DPF3: variants seen among roughly 807,000 people sequenced by gnomAD.
DPF3 encodes double PHD fingers 3.
In DPF3, 18 loss-of-function variants were observed where a neutral mutation model predicts 56.8. The ratio of observed to expected loss-of-function variants is 0.32; its 90% CI spans 0.22 to 0.47. The LOEUF (loss-of-function observed/expected upper bound fraction) is 0.47. Among genes scored for constraint, DPF3 ranks in the 20% least tolerant of loss-of-function variants. The pLI, the probability that DPF3 is intolerant of heterozygous loss-of-function variation, is 1.00. For missense variants in DPF3, 403 were observed against 488.8 expected, an observed-to-expected ratio of 0.82 and a Z score of 1.65; for synonymous variants, 188 against 180.2, an observed-to-expected ratio of 1.04 and a Z score of -0.35.
At chr14:72,804,529 C>T (rs76450588) in intron 1 of DPF3, among the ~76,000 whole-genome samples, 11,574 of 152,182 alleles carry the variant, frequency 0.076, 680 homozygotes, top group South Asian at 0.21. Context: ...GGGATTTTTT[C>T]CTTTTCACAT....
At chr14:72,843,152 G>C (rs1454228231) in intron 1 of DPF3, among the ~76,000 whole-genome samples, 1 of 152,206 alleles carries the variant, frequency 6.6e-6, no homozygotes, top group African/African-American at 2.4e-5. Flanking sequence ...AGACTAGCTA[G>C]TCGAGTGTGG....
intron 1 of DPF3, chr14:72,879,740 A>T (rs755597244): frequency 5.4e-6 from 8 of 1,474,036 alleles, no homozygotes; most frequent in Non-Finnish European, 7.2e-6. Context: ...CTCTCTGGGC[A>T]GGGACACAGA....
intron 3 of DPF3, among the ~76,000 whole-genome samples, chr14:72,745,446 C>T (rs1890287508): frequency 6.6e-6 from 1 of 151,904 alleles, no homozygotes; most frequent in South Asian, 2.1e-4. Context: ...GTTGTTATTA[C>T]AAACCATGCC....
rs1160420760 is a variant in DPF3, at chr14:72,617,139, G to C, written c.*2158C>G. Reference sequence around the variant, plus strand: ...CAGACATGGGGCTGAGATCGAACAGGGCTGCCCTATCACCTGCACTTCTGT... The same window carrying C: ...CAGACATGGGGCTGAGATCGAACAGCGCTGCCCTATCACCTGCACTTCTGT... On this transcript the variant is annotated 3_prime_UTR_variant, in exon 11 of 11. Coordinates refer to ENST00000556509, the MANE Select transcript of DPF3 (RefSeq NM_001280542.3). 6.6e-6 allele frequency among the ~76,000 whole-genome samples: 1 copy of C among 152,180 alleles called. No homozygotes were observed. The highest frequency in any genetic ancestry group is 1.5e-5 in the Non-Finnish European group (1 of 68,044).
At chr14:72,661,079 AACTT>A in intron 8 of DPF3, 1 of 985,464 alleles carries the variant, frequency 1.0e-6, no homozygotes, top group Non-Finnish European at 1.2e-6. Context: ...ATTTAACAGA[AACTT>A]ACACACACTT....
intron 3 of DPF3, among the ~76,000 whole-genome samples, chr14:72,736,035 T>C (rs946700827): frequency 6.6e-6 from 1 of 152,236 alleles, no homozygotes; most frequent in Admixed American, 6.5e-5. Flanking sequence ...TAAGTTTGAA[T>C]AGTTTTGATT....
At chr14:72,837,762 GAAA>G (rs1017204382) in intron 1 of DPF3, among the ~76,000 whole-genome samples, 20 of 151,654 alleles carry the variant, frequency 1.3e-4, no homozygotes, top group Admixed American at 1.3e-3. Context: ...AGAAAAGAAA[GAAA>G]AAAAAGATCA....
chr14:72,762,586 G>A (rs1400929204), intron 2 of DPF3, among the ~76,000 whole-genome samples: 2 of 151,196 alleles, frequency 1.3e-5, no homozygotes, highest in Non-Finnish European at 3.0e-5. Context: ...ATAGAAGGGA[G>A]CATCCTCAAT....
chr14:72,892,482 T>A (rs1886792143), intron 1 of DPF3: 1 of 1,425,776 alleles, frequency 7.0e-7, no homozygotes, highest in African/African-American at 1.4e-5. Context: ...ATAAATATAT[T>A]TGAAACCTGG....
rs1884148706 is a variant in DPF3, at chr14:72,617,344, C to T, written c.*1953G>A. 6.6e-6 allele frequency among the ~76,000 whole-genome samples: 1 copy of T among 152,074 alleles called. No homozygotes were observed. Among genetic ancestry groups the T allele is most frequent in the African/African-American group, 2.4e-5 (1 of 41,396 alleles). On this transcript the variant is annotated 3_prime_UTR_variant, in exon 11 of 11. Transcript: ENST00000556509. ...AAAACCAATTATTAGCCTTTGGAGA[C>T]AGCCTGCTTTGGGTTTTGTGGGAAG...
chr14:72,745,767 C>T (rs375295757), intron 3 of DPF3, among the ~76,000 whole-genome samples: 61 of 152,286 alleles, frequency 4.0e-4, no homozygotes, highest in African/African-American at 1.4e-3. Flanking sequence ...GCCAATGACT[C>T]TATCCTGAGT....
chr14:72,731,692 T>A, intron 4 of DPF3, 115 bp downstream of exon 4: 9 of 1,430,614 alleles, frequency 6.3e-6, no homozygotes, highest in Non-Finnish European at 8.5e-6. Flanking sequence ...CAAGGCAGTC[T>A]GAGACTGAGC....
chr14:72,743,949 T>C (rs1890230371), intron 3 of DPF3, among the ~76,000 whole-genome samples: 1 of 152,204 alleles, frequency 6.6e-6, no homozygotes, highest in Non-Finnish European at 1.5e-5. Flanking sequence ...AGAAATAATG[T>C]TGTGTGTGTT....
intron 8 of DPF3, among the ~76,000 whole-genome samples, chr14:72,663,274 C>T (rs11158968): frequency 0.023 from 3,457 of 152,130 alleles, 151 homozygotes; most frequent in East Asian, 0.13. Flanking sequence ...TCTCTCCCTG[C>T]CATCCAAGTA....
chr14:72,771,973 A>T, intron 1 of DPF3, 80 bp from the exon 2 acceptor site: 2 of 1,360,138 alleles, frequency 1.5e-6, no homozygotes, highest in Admixed American at 6.5e-5. Flanking sequence ...AGAGGGAAAC[A>T]CACCTCCCTG....
At chr14:72,672,846 G>C (rs1045676508) in intron 8 of DPF3, among the ~76,000 whole-genome samples, 26 of 152,072 alleles carry the variant, frequency 1.7e-4, no homozygotes, top group African/African-American at 5.6e-4. Flanking sequence ...AAGTGACCTT[G>C]CTTCTGGAAG....
Position 72,880,058 on chromosome 14 carries a change from C to A in DPF3, c.32+13999G>T, listed in dbSNP as rs1886269619. On this transcript the variant is annotated intron_variant, in intron 1 of 10. Coordinates refer to ENST00000556509, the MANE Select transcript of DPF3 (RefSeq NM_001280542.3). ...CTCCCTGTCTGTCTCCTGCATATGGCTCAGTAACAGACATAGTAAGTTTTC... is the reference window on the plus strand; with the variant it reads ...CTCCCTGTCTGTCTCCTGCATATGGATCAGTAACAGACATAGTAAGTTTTC... 4 of 1,197,300 alleles carry A rather than the reference C, an allele frequency of 3.3e-6. No homozygotes were observed. The African/African-American group carries it at 6.1e-5, about 18-fold the overall frequency. 74.2% of individuals were successfully genotyped at this position (1,197,300 alleles called of 1,614,324 possible). A position where few individuals can be genotyped will look rare whatever the true frequency, so the allele number is the denominator to read the frequency against.
At chr14:72,867,272 G>T (rs560161371) in intron 1 of DPF3, among the ~76,000 whole-genome samples, 9 of 152,290 alleles carry the variant, frequency 5.9e-5, no homozygotes, top group African/African-American at 2.2e-4. Flanking sequence ...TAAGGGAGAT[G>T]AGTTGCACTG....
At chr14:72,696,714 G>A (rs1298604404) in intron 6 of DPF3, among the ~76,000 whole-genome samples, 7 of 152,206 alleles carry the variant, frequency 4.6e-5, no homozygotes. Context: ...CAACATGGTA[G>A]AAAGTAATAA....
Sources: allele counts gnomAD v4.1 joint callset (sites outside exome capture counted in the v4.1 genomes callset), GRCh38; gene constraint gnomAD v4.1.1; transcripts MANE v1.5; gene names NCBI Gene and HGNC (gene_info 2026-07-23, HGNC 2026-07-21).